Variants in KDM2B observed in about 807,000 individuals in gnomAD.
KDM2B encodes the protein lysine-specific demethylase 2B.
In KDM2B, 26 loss-of-function variants were observed where a neutral mutation model predicts 150.0. The ratio of observed to expected loss-of-function variants is 0.17; its 90% CI spans 0.13 to 0.24. The LOEUF (loss-of-function observed/expected upper bound fraction) is 0.24, where lower values mean the gene tolerates loss of function less well. KDM2B is among the 10% of genes least tolerant of loss of function. The pLI is 1.00. For synonymous variants in KDM2B, 734 were observed against 729.5 expected, an observed-to-expected ratio of 1.01 and a Z score of -0.10; for missense variants, 1,265 against 1,816.9, an observed-to-expected ratio of 0.70 and a Z score of 5.52.
intron 4 of KDM2B, among the ~76,000 whole-genome samples, chr12:121,570,530 T>TCATCTGACA (rs1317798469): frequency 2.6e-5 from 4 of 152,270 alleles, no homozygotes; most frequent in Admixed American, 2.0e-4. Context: ...TCTGGCTGGA[T>TCATCTGACA]CATCTGACAC....
chr12:121,451,114 C>G (rs562153555), intron 13 of KDM2B, among the ~76,000 whole-genome samples: 8 of 152,134 alleles, frequency 5.3e-5, no homozygotes, highest in East Asian at 1.9e-4. Flanking sequence ...CCTGCCCCCC[C>G]CTTCTACCTC....
chr12:121,534,348 C>CAAA, intron 7 of KDM2B, 149 bp downstream of exon 7: 61 of 484,406 alleles, frequency 1.3e-4, no homozygotes, highest in Non-Finnish European at 1.5e-4. Context: ...GACTCCATCT[C>CAAA]AAAAAAAAAA....
At chr12:121,417,521 C>T in the KDM2B span, 1 of 1,612,638 alleles carries the variant, frequency 6.2e-7, no homozygotes, top group Non-Finnish European at 8.5e-7. The surrounding 1 kb of genome is among the most constrained non-coding windows in gnomAD (Gnocchi z 5.0). Context: ...GCTGTGACTG[C>T]AAGAAGGATT....
At chr12:121,566,710 C>T (rs1179923424) in intron 4 of KDM2B, among the ~76,000 whole-genome samples, 3 of 151,864 alleles carry the variant, frequency 2.0e-5, no homozygotes, top group South Asian at 2.1e-4. Flanking sequence ...GCAGGAGAAT[C>T]GCTTGAATCC....
chr12:121,582,081 G>A (rs1891987038), upstream of KDM2B, among the ~76,000 whole-genome samples: 1 of 152,218 alleles, frequency 6.6e-6, no homozygotes, highest in South Asian at 2.1e-4. Flanking sequence ...AGCCCTTCGT[G>A]TGAGTGCTGC....
intron 12 of KDM2B, among the ~76,000 whole-genome samples, chr12:121,483,825 G>A (rs1287242325): frequency 6.6e-6 from 1 of 152,102 alleles, no homozygotes; most frequent in East Asian, 1.9e-4. Context: ...GAATCGGATG[G>A]CACCAAGGCC....
intron 6 of KDM2B, among the ~76,000 whole-genome samples, chr12:121,536,660 GT>G (rs71079076): frequency 0.086 from 12,208 of 141,512 alleles, 880 homozygotes; most frequent in African/African-American, 0.21. Context: ...CTTCGTCTTG[GT>G]TTTTTTTTTT....
rs1314556981 is a variant in KDM2B, at chr12:121,442,224, C to T, written c.3217G>A (p.Val1073Ile). 13 of 1,613,240 alleles carry T rather than the reference C, an allele frequency of 8.1e-6. No individual in the cohort carries two copies. Among genetic ancestry groups the T allele is most frequent in the Middle Eastern group, 3.3e-4 (2 of 6,080 alleles). The change falls in exon 19 of 23, where the codon GTC becomes ATC. Residue 1073 changes from valine (V) to isoleucine (I), a missense_variant. Around this residue, in one of 11 missense-constraint regions of KDM2B, gnomAD observed 251 missense variants for 397.8 expected, o/e 0.63. Coordinates refer to ENST00000377071, the MANE Select transcript of KDM2B (RefSeq NM_032590.5). This position sits in a 1 kb window ranked among gnomAD's most constrained non-coding sequence, Gnocchi z 7.7. Reference sequence around the variant, plus strand: ...TCTTGGTGGCTGAGGTAGCTGAAGACGGCCATCCACACCTCCCTGTGCATG... The same window carrying T: ...TCTTGGTGGCTGAGGTAGCTGAAGATGGCCATCCACACCTCCCTGTGCATG... ...HVMHREVWMA[V>I]FSYLSHQDLC...
At chr12:121,544,574 C>T (rs1038739152) in intron 6 of KDM2B, among the ~76,000 whole-genome samples, 4 of 151,764 alleles carry the variant, frequency 2.6e-5, no homozygotes, top group Non-Finnish European at 5.9e-5. Flanking sequence ...CATACCACCG[C>T]ACTCCAGCCT....
At chr12:121,552,475 C>T (rs1052058419) in intron 4 of KDM2B, among the ~76,000 whole-genome samples, 1 of 151,996 alleles carries the variant, frequency 6.6e-6, no homozygotes, top group East Asian at 1.9e-4. Flanking sequence ...GAGTTCAAGA[C>T]CAGCCTGGCC....
chr12:121,550,291 C>A (rs1413513258), intron 4 of KDM2B, among the ~76,000 whole-genome samples: 1 of 144,420 alleles, frequency 6.9e-6, no homozygotes, highest in Non-Finnish European at 1.5e-5. Flanking sequence ...GCCTGGGCAA[C>A]AGAGCAAGAC....
At chr12:121,445,798 G>A (rs540394441) in intron 13 of KDM2B, among the ~76,000 whole-genome samples, 1 of 152,264 alleles carries the variant, frequency 6.6e-6, no homozygotes, top group South Asian at 2.1e-4. Context: ...GTCAGGGAAG[G>A]CCTCACATTC....
At chr12:121,447,045 T>C (rs913136336) in intron 13 of KDM2B, among the ~76,000 whole-genome samples, 1 of 152,116 alleles carries the variant, frequency 6.6e-6, no homozygotes, top group South Asian at 2.1e-4. Context: ...AGACTCCACA[T>C]TGCAACTAAA....
intron 4 of KDM2B, among the ~76,000 whole-genome samples, chr12:121,564,834 T>G (rs1890583674): frequency 6.6e-6 from 1 of 152,122 alleles, no homozygotes. Context: ...TCTTTTCTTT[T>G]TCTTATTTTT....
intron 17 of KDM2B, chr12:121,443,238 T>C (rs1157227631): frequency 1.8e-5 from 11 of 610,058 alleles, no homozygotes; most frequent in East Asian, 2.8e-5. Context: ...AGGAGTACAG[T>C]TGAACTGTTC....
chr12:121,563,500 G>T (rs1294613281), intron 4 of KDM2B, among the ~76,000 whole-genome samples: 1 of 151,846 alleles, frequency 6.6e-6, no homozygotes. Flanking sequence ...CTGGCTACTC[G>T]GGAGGCTGAG....
intron 4 of KDM2B, among the ~76,000 whole-genome samples, chr12:121,567,110 C>T (rs1890756992): frequency 6.6e-6 from 1 of 152,160 alleles, no homozygotes; most frequent in South Asian, 2.1e-4. Context: ...GTCTCAAACT[C>T]CTGACCTCTG....
chr12:121,456,154 T>G (rs1276764257), intron 12 of KDM2B, among the ~76,000 whole-genome samples: 3 of 152,218 alleles, frequency 2.0e-5, no homozygotes, highest in Non-Finnish European at 4.4e-5. Flanking sequence ...ATGCGTGGAC[T>G]CCGGTGCTGT....
In KDM2B at chr12:121,548,871, T is replaced by A; in HGVS notation, c.683+6A>T. ...CCAGCTCTGGCCACCAGCCAGGCAG[T>A]CTTACTTTTTCACTTTCGGGTACTT... On this transcript the variant is annotated splice_donor_region_variant and intron_variant, in intron 6 of 22. Transcript: ENST00000377071. 1 of 1,610,854 alleles carries A rather than the reference T, an allele frequency of 6.2e-7. No individual in the cohort carries two copies.
Sources: gnomAD v4.1 joint callset for allele counts (sites outside exome capture counted in the v4.1 genomes callset) on GRCh38, gnomAD v4.1.1 for gene constraint, gnomAD v4.1.1 regional missense constraint, Gnocchi (gnomAD v3.1) non-coding constraint, MANE v1.5 for transcripts, NCBI Gene and HGNC (gene_info 2026-07-23, HGNC 2026-07-21) for gene names.